Variants in MARCHF1 observed in about 807,000 individuals in gnomAD.
The protein encoded by MARCHF1 is membrane associated ring-CH-type finger 1.
MARCHF1 carries 40 observed loss-of-function variants against 54.2 expected under a neutral mutation model. That is an observed-to-expected ratio of 0.74 (90% CI 0.57 to 0.96). The LOEUF is 0.96. MARCHF1 is among the 40% of genes least tolerant of loss of function. The pLI is 0.00. For synonymous variants in MARCHF1, 236 were observed against 236.3 expected, an observed-to-expected ratio of 1.00 and a Z score of 0.01; for missense variants, 586 against 656.5, an observed-to-expected ratio of 0.89 and a Z score of 1.17.
chr4:164,204,051 G>A (rs1474212646), intron 1 of MARCHF1, among the ~76,000 whole-genome samples: 2 of 152,134 alleles, frequency 1.3e-5, no homozygotes, highest in African/African-American at 2.4e-5. Context: ...CTAGTACCCA[G>A]TCCCTCTATT....
At chr4:163,968,319 C>T (rs1390285954) in intron 3 of MARCHF1, among the ~76,000 whole-genome samples, 2 of 152,088 alleles carry the variant, frequency 1.3e-5, no homozygotes, top group African/African-American at 2.4e-5. Context: ...GACACTCATG[C>T]TACATAGGCA....
intron 3 of MARCHF1, among the ~76,000 whole-genome samples, chr4:163,975,192 T>TCA (rs1244675716): frequency 1.9e-3 from 194 of 104,492 alleles, no homozygotes; most frequent in African/African-American, 7.1e-3. Flanking sequence ...TCTCTCTCTC[T>TCA]CTCTCACACA....
intron 3 of MARCHF1, among the ~76,000 whole-genome samples, chr4:163,866,100 AC>A (rs1750041453): frequency 6.6e-6 from 1 of 151,632 alleles, no homozygotes; most frequent in African/African-American, 2.4e-5. Flanking sequence ...AAATCAATTA[AC>A]AACATCATTT....
chr4:163,714,228 T>C (rs1745193429), intron 4 of MARCHF1, among the ~76,000 whole-genome samples: 1 of 152,218 alleles, frequency 6.6e-6, no homozygotes, highest in Non-Finnish European at 1.5e-5. Flanking sequence ...TCATCTTCCA[T>C]GAAAAACCCA....
rs552227866 is a variant in MARCHF1, at chr4:164,134,580, T to C, written c.-322-22918A>G. On this transcript the variant is annotated intron_variant, in intron 1 of 9. Transcript: ENST00000514618. ...GCATTTCCTGACTGGCATTTATTTA[T>C]ATTCCTTCTGACGTCACACTCGCCC... Among the ~76,000 whole-genome samples, 21 of 152,254 alleles carry C rather than the reference T, an allele frequency of 1.4e-4. No homozygotes were observed. In the South Asian group the frequency reaches 4.4e-3, roughly 32 times the overall value.
At chr4:163,994,257 AGTGTGTGTGTGTGT>A (rs769035806) in intron 2 of MARCHF1, among the ~76,000 whole-genome samples, 177 of 137,126 alleles carry the variant, frequency 1.3e-3, no homozygotes, top group African/African-American at 4.5e-3. Context: ...ATAGAGAAAA[AGTGTGTGTGTGTGT>A]GTGTGTGTGT....
At chr4:163,606,462 A>G (rs567953214) in intron 7 of MARCHF1, among the ~76,000 whole-genome samples, 4 of 152,196 alleles carry the variant, frequency 2.6e-5, no homozygotes, top group African/African-American at 9.6e-5. Context: ...TAGAGAATAT[A>G]TGATACTGAC....
chr4:163,891,598 A>T (rs1750662534), intron 3 of MARCHF1, among the ~76,000 whole-genome samples: 1 of 152,166 alleles, frequency 6.6e-6, no homozygotes, highest in African/African-American at 2.4e-5. Flanking sequence ...TTGCACATAG[A>T]AAAAGGAGCT....
chr4:163,598,106 A>G (rs1223281158), intron 7 of MARCHF1, among the ~76,000 whole-genome samples: 1 of 152,202 alleles, frequency 6.6e-6, no homozygotes, highest in Non-Finnish European at 1.5e-5. Flanking sequence ...GTGTATTCAG[A>G]CATTCTATTT....
At chr4:163,926,855 C>A (rs571721086) in intron 3 of MARCHF1, among the ~76,000 whole-genome samples, 5 of 151,398 alleles carry the variant, frequency 3.3e-5, no homozygotes, top group Admixed American at 3.3e-4. Context: ...TCCCAAGGAA[C>A]ATAGTCAACT....
chr4:163,647,352 T>C (rs1742799742), intron 5 of MARCHF1, among the ~76,000 whole-genome samples: 1 of 151,950 alleles, frequency 6.6e-6, no homozygotes, highest in Non-Finnish European at 1.5e-5. Context: ...AATGGATAGA[T>C]CATCCAGACA....
chr4:163,717,916 A>G (rs1745317612), intron 4 of MARCHF1, among the ~76,000 whole-genome samples: 1 of 152,240 alleles, frequency 6.6e-6, no homozygotes, highest in South Asian at 2.1e-4. Flanking sequence ...ACAAGGCTGC[A>G]GTAACCAAAA....
At chr4:163,776,017 A>T (rs1172546446) in intron 4 of MARCHF1, among the ~76,000 whole-genome samples, 1 of 152,168 alleles carries the variant, frequency 6.6e-6, no homozygotes, top group East Asian at 1.9e-4. Context: ...ATTTCTGACA[A>T]GAAGATTCTG....
intron 1 of MARCHF1, among the ~76,000 whole-genome samples, chr4:164,206,518 G>C (rs1216125093): frequency 6.6e-6 from 1 of 151,826 alleles, no homozygotes; most frequent in Non-Finnish European, 1.5e-5. Flanking sequence ...TTATTGAATG[G>C]GCCAAAGTTG....
rs768392387 is a variant in MARCHF1 at position 163,899,729 on chromosome 4, C to T, written c.-38-45560G>A. 5.4e-5 allele frequency among the ~76,000 whole-genome samples: 8 copies of T among 148,584 alleles called. No homozygotes were observed. The East Asian group carries it at 6.0e-4, about 11-fold the overall frequency. ...GATGTCTAATGAATAGCCCAAACAA[C>T]GTAACATATTCATAAACTCCCAGTC... is the stretch of plus-strand genomic sequence containing the variant. On this transcript the variant is annotated intron_variant, in intron 3 of 9. Coordinates refer to ENST00000514618, the MANE Select transcript of MARCHF1 (RefSeq NM_001394959.1).
At chr4:164,056,028 TA>T (rs1754481584) in intron 2 of MARCHF1, among the ~76,000 whole-genome samples, 1 of 152,156 alleles carries the variant, frequency 6.6e-6, no homozygotes, top group Admixed American at 6.6e-5. Context: ...ATATTTGCAG[TA>T]GAAAAAAAAG....
chr4:163,732,120 T>C (rs990705299), intron 4 of MARCHF1, among the ~76,000 whole-genome samples: 4 of 151,832 alleles, frequency 2.6e-5, no homozygotes, highest in African/African-American at 7.3e-5. Context: ...AACTTATATA[T>C]AAATGACACA....
chr4:164,102,235 C>A (rs1198683274), intron 2 of MARCHF1, among the ~76,000 whole-genome samples: 84 of 78,968 alleles, frequency 1.1e-3, no homozygotes, highest in African/African-American at 3.9e-3. Flanking sequence ...CAAGGCAGGC[C>A]AACGTTCAGA....
intron 1 of MARCHF1, among the ~76,000 whole-genome samples, chr4:164,234,598 G>T (rs1169674854): frequency 6.6e-6 from 1 of 151,984 alleles, no homozygotes; most frequent in Non-Finnish European, 1.5e-5. Flanking sequence ...AAAGATAAAT[G>T]GGATGAAATC....
Sources: gnomAD v4.1 joint callset for allele counts (sites outside exome capture counted in the v4.1 genomes callset) on GRCh38, gnomAD v4.1.1 for gene constraint, MANE v1.5 for transcripts, NCBI Gene and HGNC (gene_info 2026-07-23, HGNC 2026-07-21) for gene names.